FYN: variants seen among roughly 807,000 people sequenced by gnomAD.
The protein encoded by FYN is tyrosine-protein kinase Fyn.
In FYN, 10 loss-of-function variants were observed where a neutral mutation model predicts 70.2. That is an observed-to-expected ratio of 0.14 (90% CI 0.09 to 0.24). The LOEUF (loss-of-function observed/expected upper bound fraction) is 0.24, where lower values mean the gene tolerates loss of function less well. FYN is among the 10% of genes least tolerant of loss of function. The pLI is 1.00. For missense variants in FYN, 319 were observed against 673.1 expected (o/e 0.47, Z 5.82); for synonymous variants, 236 against 248.6 (o/e 0.95, Z 0.48).
intron 3 of FYN, among the ~76,000 whole-genome samples, chr6:111,778,227 C>T (rs763820780): frequency 1.1e-4 from 16 of 152,020 alleles, no homozygotes; most frequent in South Asian, 6.2e-4. Context: ...AGGCCAGGCC[C>T]GGGAGATGGT....
At chr6:111,662,007 C>T (rs1451670171) in intron 13 of FYN, 60 bp from the exon 14 acceptor site, 7 of 1,359,024 alleles carry the variant, frequency 5.2e-6, no homozygotes, top group Non-Finnish European at 7.1e-6. Context: ...GACCGCCGCA[C>T]TTGCAGATCC....
intron 1 of FYN, among the ~76,000 whole-genome samples, chr6:111,870,142 A>C (rs1435404497): frequency 6.6e-6 from 1 of 152,212 alleles, no homozygotes; most frequent in African/African-American, 2.4e-5. Flanking sequence ...TTGCAATTAA[A>C]TGTGGCCATA....
intron 9 of FYN, 169 bp from the exon 10 acceptor site, chr6:111,696,625 GA>G: frequency 2.0e-6 from 1 of 495,794 alleles, no homozygotes; most frequent in Non-Finnish European, 3.5e-6. Flanking sequence ...TATTTTAACA[GA>G]AAAAATGAGT....
At chr6:111,750,125 T>G (rs1802418034) in intron 3 of FYN, among the ~76,000 whole-genome samples, 1 of 152,218 alleles carries the variant, frequency 6.6e-6, no homozygotes, top group African/African-American at 2.4e-5. Flanking sequence ...CCATTCTGAC[T>G]TTCTGCAACA....
At chr6:111,678,240 G>A (rs377324646) in intron 12 of FYN, among the ~76,000 whole-genome samples, 4 of 151,584 alleles carry the variant, frequency 2.6e-5, no homozygotes, top group East Asian at 1.9e-4. Flanking sequence ...ACTCATTGCC[G>A]AAACCTCGAC....
At chr6:111,860,674 C>T (rs574489703) in intron 1 of FYN, among the ~76,000 whole-genome samples, 1 of 152,250 alleles carries the variant, frequency 6.6e-6, no homozygotes, top group African/African-American at 2.4e-5. Flanking sequence ...ATAAATTAAC[C>T]AGAACCTGTC....
At chr6:111,834,360 A>C (rs538361261) in intron 2 of FYN, among the ~76,000 whole-genome samples, 12 of 152,138 alleles carry the variant, frequency 7.9e-5, no homozygotes, top group Admixed American at 4.6e-4. Flanking sequence ...TATGCCTCAT[A>C]TTAAAAAAAA....
At chr6:111,854,592 A>G (rs910764317) in intron 1 of FYN, among the ~76,000 whole-genome samples, 2 of 152,242 alleles carry the variant, frequency 1.3e-5, no homozygotes, top group Non-Finnish European at 2.9e-5. Flanking sequence ...GATCTGCTAC[A>G]GATCTTTTAA....
intron 12 of FYN, among the ~76,000 whole-genome samples, chr6:111,692,777 A>T (rs534831940): frequency 2.6e-5 from 4 of 152,300 alleles, no homozygotes; most frequent in African/African-American, 9.6e-5. Flanking sequence ...GATCTGACAG[A>T]CTTGCCTCAG....
chr6:111,839,507 C>T (rs1156903463), intron 2 of FYN, among the ~76,000 whole-genome samples: 1 of 152,088 alleles, frequency 6.6e-6, no homozygotes, highest in Non-Finnish European at 1.5e-5. Context: ...ATAGCCTATA[C>T]TGATGCAGAA....
intron 1 of FYN, among the ~76,000 whole-genome samples, chr6:111,866,576 A>G (rs1774113666): frequency 6.6e-6 from 1 of 152,204 alleles, no homozygotes; most frequent in African/African-American, 2.4e-5. Context: ...TCCTGACCTC[A>G]GGTGATCCAC....
rs181059896 is a variant in FYN at position 111,734,487 on chromosome 6, C to T, written c.-11-14425G>A. On this transcript the variant is annotated intron_variant, in intron 3 of 13. Coordinates refer to ENST00000354650, the MANE Select transcript of FYN (RefSeq NM_002037.5). ...CAGAAGACCTATGTCCTCCACTTTCCTTTGTTGCTAAAATGAAGAACAACT... is the reference window on the plus strand; with the variant it reads ...CAGAAGACCTATGTCCTCCACTTTCTTTTGTTGCTAAAATGAAGAACAACT... Among the ~76,000 whole-genome samples, 7 of 152,306 alleles carry T rather than the reference C, an allele frequency of 4.6e-5. No homozygotes were observed. In the East Asian group the frequency reaches 9.6e-4, roughly 21 times the overall value.
At chr6:111,805,273 G>T (rs914091753) in intron 2 of FYN, among the ~76,000 whole-genome samples, 3 of 152,154 alleles carry the variant, frequency 2.0e-5, no homozygotes, top group African/African-American at 7.2e-5. Flanking sequence ...TCTTTCTCAC[G>T]GAGCTGTCAA....
chr6:111,852,261 G>A (rs1773706190), intron 1 of FYN, among the ~76,000 whole-genome samples: 1 of 152,162 alleles, frequency 6.6e-6, no homozygotes, highest in African/African-American at 2.4e-5. Flanking sequence ...TTGATGTGGT[G>A]TGGAATTATT....
At chr6:111,773,616 G>GTGAGGGGGAGGGAGAGAGGGGGAGGGAA (rs1803578224) in intron 3 of FYN, among the ~76,000 whole-genome samples, 1 of 42,932 alleles carries the variant, frequency 2.3e-5, no homozygotes, top group Non-Finnish European at 3.9e-5. Flanking sequence ...GGGGGAGGGA[G>GTGAGGGGGAGGGAGAGAGGGGGAGGGAA]AGAGGGGGAA....
chr6:111,697,968 T>C (rs1018284994), intron 9 of FYN, among the ~76,000 whole-genome samples: 1 of 152,168 alleles, frequency 6.6e-6, no homozygotes, highest in East Asian at 1.9e-4. Context: ...CAGAGAGAGA[T>C]GGACACAATA....
intron 3 of FYN, among the ~76,000 whole-genome samples, chr6:111,767,980 C>G (rs1203971459): frequency 6.6e-6 from 1 of 152,220 alleles, no homozygotes; most frequent in South Asian, 2.1e-4. Context: ...AGGCAGCACA[C>G]TTTTCACTTC....
At chr6:111,797,665 CAT>C (rs57984132) in intron 2 of FYN, among the ~76,000 whole-genome samples, 3,897 of 88,850 alleles carry the variant, frequency 0.044, 85 homozygotes, top group Non-Finnish European at 0.072. Flanking sequence ...ATCAAAGTTT[CAT>C]ATATATATAT....
chr6:111,666,024 CAG>C (rs1280708721), intron 13 of FYN, among the ~76,000 whole-genome samples: 9 of 95,668 alleles, frequency 9.4e-5, no homozygotes, highest in African/African-American at 3.8e-4. Flanking sequence ...TTTTTTGAGA[CAG>C]AGTCTCGCTC....
Sources: gnomAD v4.1 joint callset for allele counts (sites outside exome capture counted in the v4.1 genomes callset) on GRCh38, gnomAD v4.1.1 for gene constraint, MANE v1.5 for transcripts, NCBI Gene and HGNC (gene_info 2026-07-23, HGNC 2026-07-21) for gene names.